MARS1: variants seen among roughly 807,000 people sequenced by gnomAD.
The protein encoded by MARS1 is methionine--tRNA ligase, cytoplasmic.
Under a neutral mutation model 119.5 loss-of-function variants are expected in MARS1, and 80 were observed. That is an observed-to-expected ratio of 0.67 (90% CI 0.56 to 0.81). The LOEUF is 0.81. Among genes scored for constraint, MARS1 ranks in the 30% least tolerant of loss-of-function variants. The pLI is 0.00. For synonymous variants in MARS1, 418 were observed against 433.4 expected (o/e 0.96, Z 0.44); for missense variants, 945 against 1,116.5 (o/e 0.85, Z 2.19).
In MARS1 at chr12:57,489,437, C is replaced by T; in HGVS notation, c.293C>T (p.Ala98Val). The change falls in exon 4 of 21, where the codon GCT (alanine) becomes GTT (valine). Residue 98 changes from alanine to valine, a missense_variant. By Grantham distance (64) the Ala-to-Val change is moderately conservative. Transcript: ENST00000262027. The stretch of plus-strand genomic sequence containing the variant: ...CCTGCATTTTAGCCAGCTTTGTCTG[C>T]TGCCCTGTACTATTTAGTGGTCCAA... ...EATELQPALS[A>V]ALYYLVVQGK... is the part of the protein sequence containing the mutation. 14 of 1,614,158 alleles carry T rather than the reference C, an allele frequency of 8.7e-6. No homozygotes were observed. The highest frequency in any genetic ancestry group is 1.2e-5 in the Non-Finnish European group (14 of 1,180,034).
At chr12:57,493,307 A>G (rs1353996702) in intron 7 of MARS1, among the ~76,000 whole-genome samples, 2 of 107,792 alleles carry the variant, frequency 1.9e-5, no homozygotes, top group African/African-American at 7.6e-5. Flanking sequence ...TATATATAAT[A>G]TATATTATAT....
intron 7 of MARS1, among the ~76,000 whole-genome samples, chr12:57,492,157 T>C (rs966914829): frequency 2.6e-5 from 4 of 151,228 alleles, no homozygotes. Context: ...CGGGCACTTG[T>C]AGTCCCAGCT....
intron 10 of MARS1, among the ~76,000 whole-genome samples, chr12:57,500,773 C>T (rs1366616494): frequency 6.6e-6 from 1 of 152,116 alleles, no homozygotes; most frequent in Non-Finnish European, 1.5e-5. Flanking sequence ...TCTTGCATCA[C>T]ACCACCTGAT....
intron 11 of MARS1, among the ~76,000 whole-genome samples, chr12:57,504,695 A>AGTT (rs1877096295): frequency 1.2e-5 from 1 of 83,602 alleles, no homozygotes; most frequent in Non-Finnish European, 2.1e-5. Context: ...TGCCTGACTG[A>AGTT]TTTTTTTTTT....
At chr12:57,509,816 T>TCCA (rs2140031439) in intron 11 of MARS1, among the ~76,000 whole-genome samples, 1 of 152,318 alleles carries the variant, frequency 6.6e-6, no homozygotes, top group African/African-American at 2.4e-5. Flanking sequence ...TCTACCTTCT[T>TCCA]CCACTGTAGG....
chr12:57,511,914 C>T, intron 12 of MARS1, 46 bp downstream of exon 12: 7 of 1,608,900 alleles, frequency 4.4e-6, no homozygotes, highest in Non-Finnish European at 6.0e-6. Context: ...AGTGTTGAAA[C>T]CCTGGGCTAG....
At chr12:57,488,335 C>A in intron 1 of MARS1, 136 bp downstream of exon 1, 1 of 804,262 alleles carries the variant, frequency 1.2e-6, no homozygotes, top group Non-Finnish European at 2.0e-6. Context: ...TATCCTTGAT[C>A]ACTCCACGCC....
At chr12:57,488,351 C>T (rs996918356) in intron 1 of MARS1, 152 bp downstream of exon 1, 36 of 753,340 alleles carry the variant, frequency 4.8e-5, no homozygotes, top group Non-Finnish European at 6.4e-5. Flanking sequence ...ACGCCTTCTT[C>T]CCTCCCAGTC....
At chr12:57,511,623 G>T in intron 11 of MARS1, 75 bp from the exon 12 acceptor site, 1 of 1,521,920 alleles carries the variant, frequency 6.6e-7, no homozygotes, top group East Asian at 2.3e-5. Flanking sequence ...GCTCCAAAAA[G>T]GTTATATGTG....
chr12:57,494,309 C>T (rs967630264), intron 7 of MARS1, among the ~76,000 whole-genome samples: 10 of 147,212 alleles, frequency 6.8e-5, no homozygotes, highest in Non-Finnish European at 1.5e-4. Flanking sequence ...ATACTAAGCA[C>T]TTACTTCTTC....
Position 57,493,453 on chromosome 12 carries a change from TATATTATAATATATAATATATA to T in MARS1, c.770+2814_770+2835del, listed in dbSNP as rs1876156642. Among the ~76,000 whole-genome samples the T allele has an allele frequency of 9.3e-4, 2 of 2,140 alleles. 1 individual carries two copies. Among genetic ancestry groups the T allele is most frequent in the African/African-American group, 1.2e-3 (2 of 1,624 alleles). The allele number at this position is 2,140 out of a possible 152,430, so 1.4% of individuals were successfully genotyped here. On this transcript the variant is annotated intron_variant, in intron 7 of 20. Transcript: ENST00000262027. Reference sequence around the variant, plus strand: ...GTATAATATATTACATAATATATAATATATTATAATATATAATATATAATATATAATATATAATATATTATAA... The same window carrying T: ...GTATAATATATTACATAATATATAATATATATAATATATAATATATTATAA...
intron 11 of MARS1, 106 bp from the exon 12 acceptor site, chr12:57,511,592 A>T: frequency 8.4e-7 from 1 of 1,194,124 alleles, no homozygotes; most frequent in Non-Finnish European, 1.2e-6. Context: ...CCAAAAAAAA[A>T]GTTATATATT....
At chr12:57,503,985 G>GA in intron 10 of MARS1, 1 of 540,094 alleles carries the variant, frequency 1.9e-6, no homozygotes, top group Non-Finnish European at 3.3e-6. Flanking sequence ...TTCAGAGAAT[G>GA]TTTTTTTTAC....
chr12:57,501,225 G>T (rs548308222), intron 10 of MARS1, among the ~76,000 whole-genome samples: 1 of 152,366 alleles, frequency 6.6e-6, no homozygotes, highest in East Asian at 1.9e-4. Flanking sequence ...GGCCAGTATA[G>T]CACTAGCACA....
intron 5 of MARS1, 107 bp from the exon 6 acceptor site, chr12:57,490,100 G>A: frequency 1.4e-6 from 2 of 1,460,764 alleles, no homozygotes; most frequent in Non-Finnish European, 1.9e-6. Flanking sequence ...ATGGTTGAGG[G>A]AACTGGGGAA....
intron 10 of MARS1, 85 bp downstream of exon 10, chr12:57,500,607 ATT>A: frequency 7.5e-7 from 1 of 1,333,488 alleles, no homozygotes; most frequent in South Asian, 1.3e-5. Context: ...TAGGATTTTT[ATT>A]TTAGCATTCT....
In MARS1 at chr12:57,512,826, C is replaced by T. The variant is rs749222145; in HGVS notation, c.1829C>T (p.Thr610Met). 30 of 1,614,084 alleles carry T rather than the reference C, an allele frequency of 1.9e-5. No homozygotes were observed. The highest frequency in any genetic ancestry group is 3.3e-5 in the Admixed American group (2 of 59,990). ...VGVFGDMAQD[T>M]GIPADIWRFY... ...GTGTTTGGGGACATGGCCCAGGACA[C>T]GGGGATCCCTGCTGACATCTGGCGC... The change falls in exon 15 of 21, where the codon ACG becomes ATG. Residue 610 changes from threonine (T) to methionine (M), a missense_variant. Physicochemically the swap from Thr to Met is moderately conservative, Grantham distance 81 (BLOSUM62 -1). Coordinates refer to ENST00000262027, the MANE Select transcript of MARS1 (RefSeq NM_004990.4).
chr12:57,493,325 TATATATA>T (rs1310655858), intron 7 of MARS1, among the ~76,000 whole-genome samples: 2 of 99,334 alleles, frequency 2.0e-5, no homozygotes, highest in Admixed American at 3.2e-4. Context: ...TATAATATAT[TATATATA>T]ATATATGTTA....
intron 7 of MARS1, among the ~76,000 whole-genome samples, chr12:57,493,868 TA>T (rs1565641420): frequency 1.9e-4 from 1 of 5,240 alleles, no homozygotes; most frequent in Non-Finnish European, 4.7e-3. Flanking sequence ...TTATATTATA[TA>T]ATATATATAA....
Sources: gnomAD v4.1 joint callset for allele counts (sites outside exome capture counted in the v4.1 genomes callset) on GRCh38, gnomAD v4.1.1 for gene constraint, MANE v1.5 for transcripts, NCBI Gene and HGNC (gene_info 2026-07-23, HGNC 2026-07-21) for gene names.